The following MCPH1 variants were observed in gnomAD, a reference collection of about 807,000 sequenced individuals.
The protein encoded by MCPH1 is microcephalin 1, also known as microcephalin.
MCPH1 carries 104 observed loss-of-function variants against 84.5 expected under a neutral mutation model. The observed-to-expected ratio is 1.23, with a 90% confidence interval of 1.05 to 1.45. The LOEUF is 1.45. MCPH1 is among the 40% of genes most tolerant of loss of function. The probability of loss-of-function intolerance (pLI) is 0.00; values close to 1 mark genes in which losing one functional copy is unlikely to be tolerated. For missense variants in MCPH1, 1,498 were observed against 1,005.7 expected (o/e 1.49, Z -6.62); for synonymous variants, 514 against 366.8 (o/e 1.40, Z -4.58).
chr8:6,486,755 A>G (rs1471805215), intron 11 of MCPH1, among the ~76,000 whole-genome samples: 1 of 152,176 alleles, frequency 6.6e-6, no homozygotes, highest in Non-Finnish European at 1.5e-5. Context: ...CGAGCTTCCT[A>G]TTTATGGGAG....
intron 8 of MCPH1, among the ~76,000 whole-genome samples, chr8:6,448,840 G>A (rs752371296): frequency 5.9e-5 from 9 of 152,120 alleles, no homozygotes; most frequent in East Asian, 1.9e-4. Flanking sequence ...AGTTTATTAC[G>A]CTTCATGGGC....
chr8:6,416,399 G>A (rs1799307642), intron 3 of MCPH1, among the ~76,000 whole-genome samples: 1 of 152,194 alleles, frequency 6.6e-6, no homozygotes, highest in Non-Finnish European at 1.5e-5. Context: ...CATCTTTGGA[G>A]AAAAGCTTTC....
intron 12 of MCPH1, among the ~76,000 whole-genome samples, chr8:6,527,013 G>C (rs997109025): frequency 2.6e-5 from 4 of 152,158 alleles, no homozygotes; most frequent in African/African-American, 9.7e-5. Flanking sequence ...ATGTGCATTG[G>C]CTTACAGTAT....
intron 11 of MCPH1, among the ~76,000 whole-genome samples, chr8:6,487,566 G>C (rs1810082664): frequency 6.6e-6 from 1 of 152,152 alleles, no homozygotes; most frequent in African/African-American, 2.4e-5. Flanking sequence ...CTTTCAGTTG[G>C]CAGATTAACT....
intron 12 of MCPH1, among the ~76,000 whole-genome samples, chr8:6,571,740 A>G (rs1339815426): frequency 6.6e-6 from 1 of 152,206 alleles, no homozygotes; most frequent in Non-Finnish European, 1.5e-5. Context: ...TCCTTTTGGT[A>G]TCCCCATCCA....
At chr8:6,449,694 G>A (rs564398889) in intron 8 of MCPH1, among the ~76,000 whole-genome samples, 4 of 151,938 alleles carry the variant, frequency 2.6e-5, no homozygotes, top group Non-Finnish European at 4.4e-5. Flanking sequence ...AGTCTGAAAA[G>A]TGCTGCTGTA....
chr8:6,645,583 A>T lies in MCPH1; in HGVS notation c.*2534A>T, dbSNP rs1243924314. 2 of 133,692 alleles carry T rather than the reference A, an allele frequency of 1.5e-5. No individual in the cohort carries two copies. Among genetic ancestry groups the T allele is most frequent in the African/African-American group, 6.1e-5 (2 of 32,594 alleles). 8.3% of individuals were successfully genotyped at this position (133,692 alleles called of 1,614,324 possible). A position where few individuals can be genotyped will look rare whatever the true frequency, so the allele number is the denominator to read the frequency against. On this transcript the variant is annotated 3_prime_UTR_variant, in exon 14 of 14. Transcript: ENST00000344683. ...TTTATTCTCAAGAATACAAGACACT[A>T]TGTATAGAAATTGTAAGGAATGCAA...
In MCPH1 at chr8:6,445,460, A is replaced by G. The variant is rs17076894; in HGVS notation, c.1738A>G (p.Ser580Gly). ...AAACTCCTCTGAAGGCGAAGCCCAG[A>G]GTGAACATGAGCCATGTTTTATAGT... Reference protein sequence around the residue: ...ISNSSEGEAQSEHEPCFIVDC... With the variant: ...ISNSSEGEAQGEHEPCFIVDC... The change falls in exon 8 of 14, where the codon AGT (serine) becomes GGT (glycine). Residue 580 changes from serine (S) to glycine (G), a missense_variant. Ser to Gly is a moderately conservative substitution (Grantham distance 56, BLOSUM62 0). Transcript: ENST00000344683. 1.5e-3 allele frequency: 2,376 copies of G among 1,614,242 alleles called. 41 individuals carry two copies. In the African/African-American group the frequency reaches 0.027, roughly 19 times the overall value.
intron 9 of MCPH1, among the ~76,000 whole-genome samples, chr8:6,456,575 C>T (rs1389026442): frequency 6.6e-6 from 1 of 152,088 alleles, no homozygotes; most frequent in African/African-American, 2.4e-5. Context: ...CTTTACTGAC[C>T]CTTTACCCTC....
intron 4 of MCPH1, among the ~76,000 whole-genome samples, chr8:6,435,287 G>A (rs552864926): frequency 7.9e-5 from 12 of 152,274 alleles, no homozygotes; most frequent in East Asian, 1.9e-4. Context: ...GGCAGTGGGC[G>A]TGCTGCCAAC....
chr8:6,511,735 T>TG (rs1186611069), intron 12 of MCPH1, among the ~76,000 whole-genome samples: 4 of 152,182 alleles, frequency 2.6e-5, no homozygotes, highest in Non-Finnish European at 5.9e-5. Flanking sequence ...AATGTGTGTG[T>TG]TTTTCTAAAT....
intron 11 of MCPH1, among the ~76,000 whole-genome samples, chr8:6,487,459 G>A (rs1224265372): frequency 6.6e-6 from 1 of 152,212 alleles, no homozygotes; most frequent in Non-Finnish European, 1.5e-5. Flanking sequence ...GGGAGAACCA[G>A]AACTGGAATC....
chr8:6,553,327 A>G (rs1395110607), intron 12 of MCPH1, among the ~76,000 whole-genome samples: 2 of 152,172 alleles, frequency 1.3e-5, no homozygotes, highest in Non-Finnish European at 2.9e-5. Context: ...AAGCAACAAC[A>G]ACAAAATGTT....
intron 3 of MCPH1, among the ~76,000 whole-genome samples, chr8:6,415,602 C>T (rs1261204454): frequency 1.3e-5 from 2 of 152,162 alleles, no homozygotes; most frequent in African/African-American, 2.4e-5. Flanking sequence ...GATCCACCTG[C>T]CTCGGCCTCC....
chr8:6,492,690 A>G (rs1810760896), intron 11 of MCPH1, among the ~76,000 whole-genome samples: 1 of 147,516 alleles, frequency 6.8e-6, no homozygotes, highest in Non-Finnish European at 1.5e-5. Context: ...ATTAAAATTT[A>G]AAATTTTTTT....
chr8:6,433,288 A>G (rs570576140), intron 4 of MCPH1, among the ~76,000 whole-genome samples: 7 of 152,312 alleles, frequency 4.6e-5, no homozygotes, highest in African/African-American at 1.7e-4. Context: ...TTACTGGGTA[A>G]GAATACATAC....
chr8:6,618,799 G>T (rs1831116226), intron 12 of MCPH1: 1 of 151,984 alleles, frequency 6.6e-6, no homozygotes, highest in African/African-American at 2.4e-5. Context: ...TTTCTGACAT[G>T]AAAAGAACAA....
At chr8:6,543,193 G>T (rs1204165406) in intron 12 of MCPH1, among the ~76,000 whole-genome samples, 1 of 151,952 alleles carries the variant, frequency 6.6e-6, no homozygotes, top group East Asian at 1.9e-4. Context: ...TAGAATTTTT[G>T]AGATAATATT....
At chr8:6,532,099 C>A (rs1819629572) in intron 12 of MCPH1, among the ~76,000 whole-genome samples, 1 of 152,190 alleles carries the variant, frequency 6.6e-6, no homozygotes, top group South Asian at 2.1e-4. Context: ...ACTCACATGT[C>A]TTCAGTAGAT....
Sources: gnomAD v4.1 joint callset for allele counts (sites outside exome capture counted in the v4.1 genomes callset) on GRCh38, gnomAD v4.1.1 for gene constraint, MANE v1.5 for transcripts, NCBI Gene and HGNC (gene_info 2026-07-23, HGNC 2026-07-21) for gene names.